Variants in ARFGEF3 observed in about 807,000 individuals in gnomAD.
ARFGEF3 encodes brefeldin A-inhibited guanine nucleotide-exchange protein 3.
In ARFGEF3, 96 loss-of-function variants were observed where a neutral mutation model predicts 221.7. The observed-to-expected ratio is 0.43, with a 90% CI of 0.37 to 0.51. The LOEUF is 0.51. Ranked by LOEUF, ARFGEF3 falls within the 20% of genes least tolerant of loss-of-function variation. The pLI, the probability that ARFGEF3 is intolerant of heterozygous loss-of-function variation, is 0.00. For synonymous variants in ARFGEF3, 1,145 were observed against 1,126.8 expected, an observed-to-expected ratio of 1.02 and a Z score of -0.32; for missense variants, 2,410 against 2,789.9, an observed-to-expected ratio of 0.86 and a Z score of 3.07.
intron 5 of ARFGEF3, among the ~76,000 whole-genome samples, chr6:138,232,317 A>C (rs1305730406): frequency 6.6e-6 from 1 of 152,310 alleles, no homozygotes. Flanking sequence ...GACCAGCCTA[A>C]CCAACATGGG....
At chr6:138,228,076 A>G (rs903742683) in intron 4 of ARFGEF3, among the ~76,000 whole-genome samples, 1 of 152,146 alleles carries the variant, frequency 6.6e-6, no homozygotes, top group Non-Finnish European at 1.5e-5. Context: ...CCCAGTTCCC[A>G]AAGATTGTCA....
chr6:138,178,134 C>T (rs989183398), intron 2 of ARFGEF3, among the ~76,000 whole-genome samples: 1 of 152,100 alleles, frequency 6.6e-6, no homozygotes, highest in Non-Finnish European at 1.5e-5. Context: ...GACTTTTTCT[C>T]TCGAAGATGT....
intron 2 of ARFGEF3, among the ~76,000 whole-genome samples, chr6:138,172,163 G>A (rs772255879): frequency 6.6e-6 from 1 of 152,318 alleles, no homozygotes; most frequent in South Asian, 2.1e-4. Context: ...TACATGAACA[G>A]AATGTCTGGC....
chr6:138,203,224 C>T (rs968705737), intron 2 of ARFGEF3, among the ~76,000 whole-genome samples: 1 of 152,070 alleles, frequency 6.6e-6, no homozygotes. Context: ...TAGTTTTGCT[C>T]TGATCTTATG....
intron 2 of ARFGEF3, among the ~76,000 whole-genome samples, chr6:138,188,568 A>C (rs1027025578): frequency 2.6e-5 from 4 of 152,216 alleles, no homozygotes; most frequent in Admixed American, 6.5e-5. Flanking sequence ...TATTACCCTG[A>C]CTGCAGTAAA....
At chr6:138,303,533 A>C (rs908256327) in intron 22 of ARFGEF3, among the ~76,000 whole-genome samples, 15 of 152,158 alleles carry the variant, frequency 9.9e-5, no homozygotes, top group African/African-American at 3.6e-4. Context: ...GGCCAGGCAC[A>C]GTGGCTCACT....
intron 29 of ARFGEF3, 112 bp downstream of exon 29, chr6:138,321,337 G>C (rs558332385): frequency 8.4e-4 from 517 of 616,872 alleles, no homozygotes; most frequent in Non-Finnish European, 1.3e-3. Context: ...CTTTCTGTAA[G>C]TAGACTTTTG....
rs373625094 is a variant in ARFGEF3, at chr6:138,238,516, T to C, written c.428T>C (p.Ile143Thr). ...GTCTTATTTCTTTAACAGGTGTGCA[T>C]TGAGACGTACATAAGCAGCTGTCAC... The part of the protein sequence containing the change: ...SAVLKIAEVC[I>T]ETYISSCHQR... The change falls in exon 6 of 34, where the codon ATT (isoleucine) becomes ACT (threonine). Residue 143 changes from isoleucine to threonine, a missense_variant. Ile to Thr is a moderately conservative substitution (Grantham distance 89, BLOSUM62 -1). Coordinates refer to ENST00000251691, the MANE Select transcript of ARFGEF3 (RefSeq NM_020340.5). 24 of 1,613,510 alleles carry C rather than the reference T, an allele frequency of 1.5e-5. No individual in the cohort carries two copies. Among genetic ancestry groups the C allele is most frequent in the Non-Finnish European group, 2.0e-5 (24 of 1,179,648 alleles).
intron 1 of ARFGEF3, among the ~76,000 whole-genome samples, chr6:138,164,942 C>G (rs929855932): frequency 1.3e-5 from 2 of 152,194 alleles, no homozygotes; most frequent in Non-Finnish European, 2.9e-5. Context: ...GGGGTTACCT[C>G]TCACGTAGAC....
In ARFGEF3 at chr6:138,322,390, C is replaced by T. The variant is rs189115748; in HGVS notation, c.4766+1165C>T. Among the ~76,000 whole-genome samples, 363 of 152,278 alleles carry T rather than the reference C, an allele frequency of 2.4e-3. 9 individuals are homozygous for T. Among genetic ancestry groups the T allele is most frequent in the Admixed American group, 0.023 (348 of 15,296 alleles). ...GGCCCGATGATTCAGTTACCTCTCA[C>T]GGGGTCCCTCCCACAACACATGGGA... is the stretch of plus-strand genomic sequence containing the variant. On this transcript the variant is annotated intron_variant, in intron 29 of 33. Transcript: ENST00000251691.
At chr6:138,284,389 G>C (rs1469809342) in intron 14 of ARFGEF3, among the ~76,000 whole-genome samples, 1 of 152,152 alleles carries the variant, frequency 6.6e-6, no homozygotes, top group Non-Finnish European at 1.5e-5. Context: ...AGCTATGTTA[G>C]TTGCATCCAA....
In ARFGEF3 at chr6:138,191,695, C is replaced by T. The variant is rs183842002; in HGVS notation, c.138-15347C>T. ...ATTAGCACTTAGATGCCCAAAGGCA[C>T]TTTGAACTCAAAATATACAAAAATA... On this transcript the variant is annotated intron_variant, in intron 2 of 33. Coordinates refer to ENST00000251691, the MANE Select transcript of ARFGEF3 (RefSeq NM_020340.5). Among the ~76,000 whole-genome samples the T allele has an allele frequency of 2.0e-5, 3 of 152,330 alleles. No individual in the cohort carries two copies. The East Asian group carries it at 5.8e-4, about 29-fold the overall frequency.
intron 8 of ARFGEF3, among the ~76,000 whole-genome samples, chr6:138,248,622 C>T (rs545801028): frequency 2.6e-5 from 4 of 152,006 alleles, no homozygotes; most frequent in South Asian, 2.1e-4. Flanking sequence ...GTCAGGAGTT[C>T]GAGACCAGCC....
intron 2 of ARFGEF3, among the ~76,000 whole-genome samples, chr6:138,201,641 T>C (rs940154964): frequency 2.0e-5 from 3 of 152,094 alleles, no homozygotes; most frequent in Non-Finnish European, 2.9e-5. Flanking sequence ...GGCATAAGAA[T>C]GATACAATGG....
rs748091979 is a variant in ARFGEF3 at position 138,289,957 on chromosome 6, A to G, written c.3036A>G (p.Pro1012=). ...EMGSHNPDCW[P]HVFRVCEYVG... ...GAAGCCACAACCCGGACTGCTGGCC[A>G]CACGTGTTCAGGTGCATGACGGGCT... The change falls in exon 18 of 34, where the codon CCA becomes CCG. Residue 1012 remains proline (P), a synonymous_variant. Coordinates refer to ENST00000251691, the MANE Select transcript of ARFGEF3 (RefSeq NM_020340.5). 6.2e-7 allele frequency: 1 copy of G among 1,611,838 alleles called. No individual in the cohort carries two copies. The highest frequency in any genetic ancestry group is 1.3e-5 in the African/African-American group (1 of 74,876).
Position 138,291,624 on chromosome 6 carries a change from G to A in ARFGEF3, c.3048-109G>A, listed in dbSNP as rs967728957. On this transcript the variant is annotated intron_variant, in intron 18 of 33. Coordinates refer to ENST00000251691, the MANE Select transcript of ARFGEF3 (RefSeq NM_020340.5). The surrounding 1 kb of genome is among the most constrained non-coding windows in gnomAD (Gnocchi z 4.5). ...TGTCATCACAGGAAAGAGGAAAGCT[G>A]GGGAGCTTGCAGAGCTGGCTGCATT... The A allele has an allele frequency of 4.5e-6, 3 of 659,886 alleles. No homozygotes were observed. Among genetic ancestry groups the A allele is most frequent in the African/African-American group, 3.8e-5 (2 of 53,158 alleles). 40.9% of individuals were successfully genotyped at this position (659,886 alleles called of 1,614,324 possible).
intron 1 of ARFGEF3, among the ~76,000 whole-genome samples, chr6:138,168,351 G>A (rs146994303): frequency 1.1e-4 from 16 of 152,290 alleles, no homozygotes; most frequent in Middle Eastern, 3.4e-3. Flanking sequence ...TAAAAGGGAG[G>A]CTCCTAGTTG....
Position 138,262,866 on chromosome 6 carries a change from G to A in ARFGEF3, c.1383G>A (p.Leu461=). Residue 461 remains leucine (L), a synonymous_variant, in exon 12 of 34, where the codon CTG becomes CTA. Coordinates refer to ENST00000251691, the MANE Select transcript of ARFGEF3 (RefSeq NM_020340.5). ...TGCTGCTTCTGCGCCTTGAGGAGCTGAAGGATGGGGCTGAGTGGAGCCGAG... is the reference window on the plus strand; with the variant it reads ...TGCTGCTTCTGCGCCTTGAGGAGCTAAAGGATGGGGCTGAGTGGAGCCGAG... ...VQLLLLRLEE[L]KDGAEWSRDS... is the part of the protein sequence containing the mutation. 1 of 1,613,966 alleles carries A rather than the reference G, an allele frequency of 6.2e-7. No individual in the cohort carries two copies. The highest frequency in any genetic ancestry group is 8.5e-7 in the Non-Finnish European group (1 of 1,179,850).
At position 138,341,840 on chromosome 6, in the gene ARFGEF3, T is replaced by C. The variant is rs1780434980; in HGVS notation, c.*5354T>C. On this transcript the variant is annotated 3_prime_UTR_variant, in exon 34 of 34. Transcript: ENST00000251691. ...GACAGACCAAAAATATCTCCTGAGA[T>C]CATTGGTTTCTTTATAAATTGTGGT... is the stretch of plus-strand genomic sequence containing the variant. 6.6e-6 allele frequency: 1 copy of C among 152,214 alleles called. No homozygotes were observed. Among genetic ancestry groups the C allele is most frequent in the Non-Finnish European group, 1.5e-5 (1 of 68,032 alleles). 9.4% of individuals were successfully genotyped at this position (152,214 alleles called of 1,614,324 possible). A position where few individuals can be genotyped will look rare whatever the true frequency, so the allele number is the denominator to read the frequency against.
Sources: gnomAD v4.1 joint callset for allele counts (sites outside exome capture counted in the v4.1 genomes callset) on GRCh38, gnomAD v4.1.1 for gene constraint, Gnocchi (gnomAD v3.1) non-coding constraint, MANE v1.5 for transcripts, NCBI Gene and HGNC (gene_info 2026-07-23, HGNC 2026-07-21) for gene names.